ITPR2: variants seen among roughly 807,000 people sequenced by gnomAD.
ITPR2 encodes the protein inositol 1,4,5-trisphosphate-gated calcium channel ITPR2.
Under a neutral mutation model 317.1 loss-of-function variants are expected in ITPR2, and 207 were observed. The ratio of observed to expected loss-of-function variants is 0.65; its 90% CI spans 0.58 to 0.73. ITPR2 has a LOEUF of 0.73. Among genes scored for constraint, ITPR2 ranks in the 30% least tolerant of loss-of-function variants. The pLI is 0.00. For missense variants in ITPR2, 2,613 were observed against 3,284.0 expected, an observed-to-expected ratio of 0.80 and a Z score of 4.99; for synonymous variants, 1,156 against 1,149.1, an observed-to-expected ratio of 1.01 and a Z score of -0.12.
chr12:26,731,779 CA>C (rs1400033029), intron 2 of ITPR2, among the ~76,000 whole-genome samples: 3 of 152,086 alleles, frequency 2.0e-5, no homozygotes, highest in Admixed American at 1.3e-4. Flanking sequence ...GCCTGGAGGA[CA>C]AAGCAAGACC....
At chr12:26,498,753 T>C (rs1008280277) in intron 37 of ITPR2, among the ~76,000 whole-genome samples, 1 of 152,220 alleles carries the variant, frequency 6.6e-6, no homozygotes, top group Non-Finnish European at 1.5e-5. Context: ...CATCACTGTC[T>C]GAAAGGGAAC....
Position 26,494,229 on chromosome 12 carries a change from G to A in ITPR2, c.5294C>T (p.Thr1765Ile). ...TTCTGAAAAAATTCTGTCATTTTTG[G>A]TGTTCACTATAACATCGATGACAAG... The part of the protein sequence containing the change: ...SELVIDVIVN[T>I]KNDRIFSEGI... Residue 1765 changes from threonine (T) to isoleucine (I), a missense_variant, in exon 39 of 57, where the codon ACC (threonine) becomes ATC (isoleucine). Transcript: ENST00000381340. 6.2e-7 allele frequency: 1 copy of A among 1,613,178 alleles called. No individual in the cohort carries two copies. The highest frequency in any genetic ancestry group is 1.1e-5 in the South Asian group (1 of 91,008).
At chr12:26,782,037 T>TAGAGAGAGAGAGAGAG (rs1177233376) in intron 2 of ITPR2, among the ~76,000 whole-genome samples, 2 of 51,736 alleles carry the variant, frequency 3.9e-5, no homozygotes, top group African/African-American at 1.1e-4. Flanking sequence ...TATATATGTA[T>TAGAGAGAGAGAGAGAG]AGAGAGAGAG....
intron 9 of ITPR2, among the ~76,000 whole-genome samples, chr12:26,706,652 A>G (rs1183780296): frequency 6.6e-6 from 1 of 152,144 alleles, no homozygotes; most frequent in Non-Finnish European, 1.5e-5. Flanking sequence ...TATTGCTATC[A>G]TAAATGTATC....
chr12:26,651,953 G>A (rs1230213476), intron 21 of ITPR2, among the ~76,000 whole-genome samples: 1 of 152,058 alleles, frequency 6.6e-6, no homozygotes, highest in African/African-American at 2.4e-5. Context: ...TCCCTTACCT[G>A]CAACCTTGTT....
intron 26 of ITPR2, among the ~76,000 whole-genome samples, chr12:26,604,355 A>C (rs1437836801): frequency 1.3e-5 from 2 of 152,170 alleles, no homozygotes; most frequent in African/African-American, 4.8e-5. Flanking sequence ...AAATGCCTCT[A>C]CAAAGACACT....
intron 2 of ITPR2, among the ~76,000 whole-genome samples, chr12:26,772,506 T>TTA (rs201315406): frequency 0.18 from 16,520 of 93,522 alleles, 2,158 homozygotes; most frequent in Non-Finnish European, 0.32. Flanking sequence ...AATACATGTA[T>TTA]TATATATAAT....
At chr12:26,830,953 A>T (rs11048704) in intron 1 of ITPR2, among the ~76,000 whole-genome samples, 24,411 of 152,172 alleles carry the variant, frequency 0.16, 2,322 homozygotes, top group East Asian at 0.22. Flanking sequence ...CTGAGGAGAC[A>T]GGGGCACAGA....
chr12:26,376,706 C>T (rs1045694015), intron 55 of ITPR2, among the ~76,000 whole-genome samples: 28 of 145,998 alleles, frequency 1.9e-4, no homozygotes, highest in South Asian at 8.9e-4. Flanking sequence ...CTTTTTTTTT[C>T]TTTCTTTCTT....
intron 32 of ITPR2, among the ~76,000 whole-genome samples, chr12:26,582,446 T>C (rs1237601329): frequency 6.6e-6 from 1 of 152,230 alleles, no homozygotes; most frequent in Non-Finnish European, 1.5e-5. Flanking sequence ...TAAAACACTT[T>C]TATGTACTGC....
intron 1 of ITPR2, among the ~76,000 whole-genome samples, chr12:26,822,659 T>C (rs868216144): frequency 1.3e-5 from 2 of 152,040 alleles, no homozygotes; most frequent in Non-Finnish European, 1.5e-5. Context: ...GAGGTAAAAA[T>C]ATAATAGCCA....
chr12:26,669,192 C>T lies in ITPR2; in HGVS notation c.1410-3141G>A, dbSNP rs148377275. Among the ~76,000 whole-genome samples the T allele has an allele frequency of 3.0e-3, 458 of 151,432 alleles. 2 individuals are homozygous for T. The highest frequency in any genetic ancestry group is 0.011 in the African/African-American group (439 of 41,394). On this transcript the variant is annotated intron_variant, in intron 13 of 56. Transcript: ENST00000381340. Reference sequence around the variant, plus strand: ...TGAAGAAGGAAAATTATTCTACATACATTCTAAAAATATTATTAATCTATA... The same window carrying T: ...TGAAGAAGGAAAATTATTCTACATATATTCTAAAAATATTATTAATCTATA...
intron 43 of ITPR2, among the ~76,000 whole-genome samples, chr12:26,480,167 C>T (rs115816674): frequency 0.038 from 5,733 of 152,240 alleles, 115 homozygotes; most frequent in Middle Eastern, 0.11. Flanking sequence ...TCCTGTTTAA[C>T]CCTAAACACA....
intron 13 of ITPR2, among the ~76,000 whole-genome samples, chr12:26,671,287 G>A (rs1947763691): frequency 6.6e-6 from 1 of 152,114 alleles, no homozygotes; most frequent in African/African-American, 2.4e-5. Context: ...AAATGTTAAG[G>A]GCAGCCAGAG....
chr12:26,341,037 T>C (rs1213008533), intron 55 of ITPR2, among the ~76,000 whole-genome samples: 1 of 152,204 alleles, frequency 6.6e-6, no homozygotes, highest in African/African-American at 2.4e-5. Context: ...GACTGACAGA[T>C]GCTTTCTTCA....
chr12:26,559,617 G>A (rs1944760477), intron 35 of ITPR2, among the ~76,000 whole-genome samples: 1 of 152,054 alleles, frequency 6.6e-6, no homozygotes, highest in Non-Finnish European at 1.5e-5. Flanking sequence ...GGGTGGGGGA[G>A]GACACAAACA....
chr12:26,773,981 ATTTTTTTTTTT>A (rs34106132), intron 2 of ITPR2, among the ~76,000 whole-genome samples: 2 of 91,412 alleles, frequency 2.2e-5, no homozygotes, highest in Non-Finnish European at 2.1e-5. Context: ...CAACTGGAGA[ATTTTTTTTTTT>A]TTTTTTTTTT....
intron 55 of ITPR2, among the ~76,000 whole-genome samples, chr12:26,382,534 G>A (rs1019239721): frequency 1.3e-5 from 2 of 152,078 alleles, no homozygotes; most frequent in Admixed American, 6.5e-5. Context: ...GTGTGGTGGT[G>A]CATGACTGTA....
intron 46 of ITPR2, among the ~76,000 whole-genome samples, chr12:26,440,986 G>A (rs564414346): frequency 6.6e-5 from 10 of 152,178 alleles, no homozygotes; most frequent in African/African-American, 2.4e-4. Context: ...TCAGTCTTTA[G>A]GTGAGGCATG....
Sources: allele counts gnomAD v4.1 joint callset (sites outside exome capture counted in the v4.1 genomes callset), GRCh38; gene constraint gnomAD v4.1.1; transcripts MANE v1.5; gene names NCBI Gene and HGNC (gene_info 2026-07-23, HGNC 2026-07-21).